PLTP: variants seen among roughly 807,000 people sequenced by gnomAD.
PLTP encodes phospholipid transfer protein, also known as BPI fold containing family E.
Under a neutral mutation model 54.1 loss-of-function variants are expected in PLTP, and 43 were observed. The ratio of observed to expected loss-of-function variants is 0.79; its 90% CI spans 0.62 to 1.02. The LOEUF is 1.02. PLTP is among the 50% of genes least tolerant of loss of function. The pLI, the probability that PLTP is intolerant of heterozygous loss-of-function variation, is 0.00. For missense variants in PLTP, 604 were observed against 645.9 expected (o/e 0.94, Z 0.70); for synonymous variants, 263 against 264.6 (o/e 0.99, Z 0.06).
intron 10 of PLTP, 32 bp from the exon 11 acceptor site, chr20:45,902,636 C>G: frequency 1.3e-6 from 2 of 1,559,174 alleles, no homozygotes; most frequent in Admixed American, 3.8e-5. Context: ...CGGGTCAAGT[C>G]CCTGCCATTT....
At position 45,911,336 on chromosome 20, in the gene PLTP, C is replaced by G; in HGVS notation, c.100+17G>C. 4 of 1,613,774 alleles carry G rather than the reference C, an allele frequency of 2.5e-6. No individual in the cohort carries two copies. Among genetic ancestry groups the G allele is most frequent in the Non-Finnish European group, 3.4e-6 (4 of 1,180,016 alleles). Reference sequence around the variant, plus strand: ...CCCGTCCGCTCCCGTCCGTCCCTGTCTGCCCCTGCGCCTTACCCAGCTCCA... The same window carrying G: ...CCCGTCCGCTCCCGTCCGTCCCTGTGTGCCCCTGCGCCTTACCCAGCTCCA... On this transcript the variant is annotated intron_variant, in intron 2 of 15. Coordinates refer to ENST00000372431, the MANE Select transcript of PLTP (RefSeq NM_006227.4).
intron 1 of PLTP, 77 bp downstream of exon 1, chr20:45,911,999 TCTC>T (rs1028686872): frequency 2.9e-5 from 5 of 171,882 alleles, no homozygotes; most frequent in African/African-American, 1.2e-4. Flanking sequence ...CTTCATCGGC[TCTC>T]CTCCCCACGC....
At position 45,904,834 on chromosome 20, in the gene PLTP, A is replaced by C; in HGVS notation, c.908T>G (p.Leu303Arg). The C allele has an allele frequency of 6.2e-7, 1 of 1,614,238 alleles. No homozygotes were observed. The highest frequency in any genetic ancestry group is 8.5e-7 in the Non-Finnish European group (1 of 1,180,044). ...AATGCTCCCAAAGTAGGTGGCCCTC[A>C]GCAGCATGTCCAGGTCGTGGGGCAC... Reference protein sequence around the residue: ...DKVPHDLDMLLRATYFGSIVL... With the variant: ...DKVPHDLDMLRRATYFGSIVL... The change falls in exon 10 of 16, where the codon CTG (leucine) becomes CGG (arginine). Residue 303 changes from leucine (L) to arginine (R), a missense_variant. By Grantham distance (102) the Leu-to-Arg change is moderately radical. Transcript: ENST00000372431.
intron 4 of PLTP, 129 bp downstream of exon 4, chr20:45,909,813 T>TTGATAGGAGGGTTGATAGAA: frequency 7.0e-7 from 1 of 1,425,322 alleles, no homozygotes; most frequent in East Asian, 2.3e-5. Flanking sequence ...ATGAAATGCA[T>TTGATAGGAGGGTTGATAGAA]ATGCCTGTTT....
intron 2 of PLTP, 48 bp downstream of exon 2, chr20:45,911,305 C>G (rs756282371): frequency 4.2e-5 from 67 of 1,613,850 alleles, no homozygotes; most frequent in Non-Finnish European, 5.7e-5. Context: ...TTGGGGCGAC[C>G]CCAACCCCGT....
At chr20:45,906,606 G>A (rs564681059) in intron 7 of PLTP, among the ~76,000 whole-genome samples, 4 of 152,162 alleles carry the variant, frequency 2.6e-5, no homozygotes, top group South Asian at 2.1e-4. Flanking sequence ...ATGGCATGGG[G>A]GGGCCGCGCA....
chr20:45,898,660 G>C lies in PLTP; in HGVS notation c.*281C>G. The C allele has an allele frequency of 1.5e-6, 1 of 682,220 alleles. No homozygotes were observed. The highest frequency in any genetic ancestry group is 1.8e-5 in the African/African-American group (1 of 56,628). The allele number at this position is 682,220 out of a possible 1,614,324, so 42.3% of individuals were successfully genotyped here. Reference sequence around the variant, plus strand: ...GCACTTTATTCCCGCAGCAGTTCCTGAATGGGGTGGCCTGGCCCCTTCTCT... The same window carrying C: ...GCACTTTATTCCCGCAGCAGTTCCTCAATGGGGTGGCCTGGCCCCTTCTCT... On this transcript the variant is annotated 3_prime_UTR_variant, in exon 16 of 16. Transcript: ENST00000372431. This position sits in a 1 kb window ranked among gnomAD's most constrained non-coding sequence, Gnocchi z 4.6.
chr20:45,899,805 CAG>C (rs2145828242), intron 13 of PLTP, 29 bp downstream of exon 13: 2 of 1,414,702 alleles, frequency 1.4e-6, no homozygotes, highest in Non-Finnish European at 2.0e-6. Context: ...CTCACGAACC[CAG>C]CCCAGCCCAC....
chr20:45,905,983 A>G (rs1162231615), intron 8 of PLTP, among the ~76,000 whole-genome samples: 1 of 152,216 alleles, frequency 6.6e-6, no homozygotes, highest in East Asian at 1.9e-4. Context: ...AAGGCCGTGC[A>G]TGAGCAAAGG....
At chr20:45,910,133 A>G in intron 3 of PLTP, 63 bp from the exon 4 acceptor site, 1 of 1,585,474 alleles carries the variant, frequency 6.3e-7, no homozygotes, top group Non-Finnish European at 8.6e-7. Flanking sequence ...AACGACAGGA[A>G]ATTTGTCTGC....
At chr20:45,902,187 T>C (rs2083191343) in intron 12 of PLTP, 80 bp downstream of exon 12, 2 of 1,438,566 alleles carry the variant, frequency 1.4e-6, no homozygotes, top group Non-Finnish European at 1.9e-6. Context: ...CAGGTATCAC[T>C]GTACTTTAAG....
At position 45,911,471 on chromosome 20, in the gene PLTP, T is replaced by G. The variant is rs1313758801; in HGVS notation, c.-11-8A>C. 8.7e-6 allele frequency: 14 copies of G among 1,600,278 alleles called. No individual in the cohort carries two copies. The Admixed American group carries it at 2.2e-4, about 25-fold the overall frequency. On this transcript the variant is annotated splice_region_variant and splice_polypyrimidine_tract_variant and intron_variant, in intron 1 of 15. Coordinates refer to ENST00000372431, the MANE Select transcript of PLTP (RefSeq NM_006227.4). ...GGGCCATGGCGAGCGGGCCTGGGGG[T>G]GGGGTGGGGTCGCAGGAGTTATCTG... is the stretch of plus-strand genomic sequence containing the variant.
At chr20:45,901,521 G>A (rs1475970130) in intron 12 of PLTP, among the ~76,000 whole-genome samples, 2 of 152,162 alleles carry the variant, frequency 1.3e-5, no homozygotes, top group African/African-American at 2.4e-5. Flanking sequence ...TTGAGCCCAG[G>A]AGGTCAAGGC....
Position 45,911,477 on chromosome 20 carries a change from G to C in PLTP, c.-11-14C>G, listed in dbSNP as rs1339571942. ...TGGCGAGCGGGCCTGGGGGTGGGGT[G>C]GGGTCGCAGGAGTTATCTGAGCCGC... On this transcript the variant is annotated splice_polypyrimidine_tract_variant and intron_variant, in intron 1 of 15. Transcript: ENST00000372431. 6.2e-7 allele frequency: 1 copy of C among 1,600,534 alleles called. No homozygotes were observed. Among genetic ancestry groups the C allele is most frequent in the Admixed American group, 1.7e-5 (1 of 60,002 alleles).
At chr20:45,910,859 C>T (rs538733958) in intron 3 of PLTP, 38 of 1,313,570 alleles carry the variant, frequency 2.9e-5, no homozygotes, top group Middle Eastern at 6.1e-4. Context: ...TTGGGAAGTT[C>T]CTTGACTCCA....
intron 12 of PLTP, among the ~76,000 whole-genome samples, chr20:45,901,044 T>C (rs576350378): frequency 3.3e-5 from 5 of 152,288 alleles, no homozygotes; most frequent in Non-Finnish European, 7.3e-5. Flanking sequence ...TAACCTACAT[T>C]ATCTCCTTTA....
chr20:45,902,121 TA>T lies in PLTP; in HGVS notation c.1175+145del, dbSNP rs1191688112. 3 of 860,594 alleles carry T rather than the reference TA, an allele frequency of 3.5e-6. No homozygotes were observed. In the African/African-American group the frequency reaches 5.0e-5, roughly 14 times the overall value. 53.3% of individuals were successfully genotyped at this position (860,594 alleles called of 1,614,324 possible). A position where few individuals can be genotyped will look rare whatever the true frequency, so the allele number is the denominator to read the frequency against. ...GTGAGAATGCAGAGGAGTCAGACTT[TA>T]CCAAAGCACTTTGGCATGCATTAAC... On this transcript the variant is annotated intron_variant, in intron 12 of 15. Coordinates refer to ENST00000372431, the MANE Select transcript of PLTP (RefSeq NM_006227.4).
intron 12 of PLTP, among the ~76,000 whole-genome samples, chr20:45,901,533 G>T (rs2083183972): frequency 1.3e-5 from 2 of 152,192 alleles, no homozygotes; most frequent in South Asian, 4.1e-4. Context: ...GGTCAAGGCT[G>T]CAGTGAGCTA....
intron 7 of PLTP, 40 bp from the exon 8 acceptor site, chr20:45,906,399 T>C: frequency 2.0e-6 from 3 of 1,503,484 alleles, no homozygotes; most frequent in Non-Finnish European, 2.8e-6. Flanking sequence ...CTGTGTGATG[T>C]GGGATAAGGT....
Sources: gnomAD v4.1 joint callset for allele counts (sites outside exome capture counted in the v4.1 genomes callset) on GRCh38, gnomAD v4.1.1 for gene constraint, Gnocchi (gnomAD v3.1) non-coding constraint, MANE v1.5 for transcripts, NCBI Gene and HGNC (gene_info 2026-07-23, HGNC 2026-07-21) for gene names.